Variants in FBXL20 observed in about 807,000 individuals in gnomAD.
FBXL20 encodes the protein F-box/LRR-repeat protein 20.
In FBXL20, 11 loss-of-function variants were observed where a neutral mutation model predicts 64.0. The observed-to-expected ratio is 0.17, with a 90% confidence interval of 0.11 to 0.28. The LOEUF is 0.28. FBXL20 is among the 10% of genes least tolerant of loss of function. FBXL20 has a pLI of 1.00. For missense variants in FBXL20, 303 were observed against 526.2 expected, an observed-to-expected ratio of 0.58 and a Z score of 4.15; for synonymous variants, 184 against 189.0, an observed-to-expected ratio of 0.97 and a Z score of 0.22.
intron 1 of FBXL20, among the ~76,000 whole-genome samples, chr17:39,355,919 T>C (rs1434399428): frequency 6.8e-6 from 1 of 147,988 alleles, no homozygotes; most frequent in Non-Finnish European, 1.5e-5. Flanking sequence ...TTTTCTCCTA[T>C]GTTTTAAAAG....
In FBXL20 at chr17:39,258,550, C is replaced by A. The variant is rs1427982028; in HGVS notation, c.*2910G>T. 6.6e-6 allele frequency: 1 copy of A among 152,234 alleles called. No individual in the cohort carries two copies. The highest frequency in any genetic ancestry group is 2.4e-5 in the African/African-American group (1 of 41,462). The allele number at this position is 152,234 out of a possible 1,614,324, so 9.4% of individuals were successfully genotyped here. A position where few individuals can be genotyped will look rare whatever the true frequency, so the allele number is the denominator to read the frequency against. On this transcript the variant is annotated 3_prime_UTR_variant, in exon 15 of 15. Transcript: ENST00000264658. Reference sequence around the variant, plus strand: ...GCCTTAATAGCAGAGATCACCAGAGCAAGTCCCCATGGACCTGCCTGTGGG... The same window carrying A: ...GCCTTAATAGCAGAGATCACCAGAGAAAGTCCCCATGGACCTGCCTGTGGG...
At chr17:39,346,689 C>T (rs889279702) in intron 1 of FBXL20, among the ~76,000 whole-genome samples, 23 of 151,212 alleles carry the variant, frequency 1.5e-4, no homozygotes, top group African/African-American at 4.7e-4. Context: ...TAATGACTGA[C>T]AATTACTTTT....
intron 1 of FBXL20, among the ~76,000 whole-genome samples, chr17:39,352,643 T>G (rs56102014): frequency 0.055 from 7,918 of 145,064 alleles, 233 homozygotes; most frequent in Non-Finnish European, 0.078. Context: ...ATCAGGCTAC[T>G]GCACTCCAGC....
At chr17:39,302,950 C>T (rs980259295) in intron 3 of FBXL20, among the ~76,000 whole-genome samples, 2 of 151,156 alleles carry the variant, frequency 1.3e-5, no homozygotes, top group Non-Finnish European at 2.9e-5. Context: ...CTCGCTCTGT[C>T]GCCCAGGGTA....
intron 12 of FBXL20, among the ~76,000 whole-genome samples, chr17:39,267,659 G>GATAA (rs2046804233): frequency 6.6e-6 from 1 of 152,180 alleles, no homozygotes; most frequent in African/African-American, 2.4e-5. Flanking sequence ...AGTTTTCATG[G>GATAA]TTATGTTAGG....
Position 39,355,065 on chromosome 17 carries a change from G to T in FBXL20, c.43-11824C>A, listed in dbSNP as rs140363221. ...TCCTGCCTCAGCCTCCCAAGTAGCT[G>T]GGATTATAGGCATGCGCCACCATGC... On this transcript the variant is annotated intron_variant, in intron 1 of 14. Coordinates refer to ENST00000264658, the MANE Select transcript of FBXL20 (RefSeq NM_032875.3). 4.8e-4 allele frequency among the ~76,000 whole-genome samples: 73 copies of T among 152,294 alleles called. No individual in the cohort carries two copies. In the East Asian group the frequency reaches 0.013, roughly 27 times the overall value.
At chr17:39,270,717 T>C in intron 11 of FBXL20, 79 bp downstream of exon 11, 1 of 1,237,968 alleles carries the variant, frequency 8.1e-7, no homozygotes, top group Non-Finnish European at 1.1e-6. Flanking sequence ...ACATTTCCCT[T>C]GCTGCTTGTT....
intron 9 of FBXL20, among the ~76,000 whole-genome samples, chr17:39,280,008 C>T (rs982165774): frequency 2.0e-5 from 3 of 151,900 alleles, no homozygotes; most frequent in African/African-American, 7.3e-5. Context: ...TGGCAAAAAC[C>T]CATCTCTACT....
intron 13 of FBXL20, 40 bp downstream of exon 13, chr17:39,265,357 A>C: frequency 1.3e-6 from 2 of 1,510,362 alleles, no homozygotes; most frequent in Non-Finnish European, 1.8e-6. Flanking sequence ...GCTTTTGATT[A>C]AACCCAGTAA....
At chr17:39,343,704 T>A (rs937223377) in intron 1 of FBXL20, among the ~76,000 whole-genome samples, 3 of 151,472 alleles carry the variant, frequency 2.0e-5, no homozygotes, top group Non-Finnish European at 4.4e-5. Flanking sequence ...TCTTTTTTTT[T>A]TTTTTTTTTG....
intron 1 of FBXL20, 46 bp downstream of exon 1, chr17:39,401,315 G>C (rs749800214): frequency 1.2e-6 from 2 of 1,612,072 alleles, no homozygotes; most frequent in South Asian, 2.2e-5. Context: ...GGATTAGAGC[G>C]CGCGACCCGC....
rs565442517 is a variant in FBXL20 at position 39,256,296 on chromosome 17, G to A, written c.*5164C>T. On this transcript the variant is annotated 3_prime_UTR_variant, in exon 15 of 15. Coordinates refer to ENST00000264658, the MANE Select transcript of FBXL20 (RefSeq NM_032875.3). ...AGATTGTGCCATGGCACTCCAACCT[G>A]GGTGACAGAGCGAGACTCCATGTCA... is the stretch of plus-strand genomic sequence containing the variant. The A allele has an allele frequency of 6.9e-6, 1 of 145,740 alleles. No individual in the cohort carries two copies. Among genetic ancestry groups the A allele is most frequent in the Admixed American group, 7.0e-5 (1 of 14,286 alleles). 9.0% of individuals were successfully genotyped at this position (145,740 alleles called of 1,614,324 possible). A position where few individuals can be genotyped will look rare whatever the true frequency, so the allele number is the denominator to read the frequency against.
intron 1 of FBXL20, among the ~76,000 whole-genome samples, chr17:39,372,489 A>G (rs901722053): frequency 2.4e-5 from 3 of 126,956 alleles, no homozygotes; most frequent in Non-Finnish European, 4.8e-5. Flanking sequence ...ACTGCACTCC[A>G]GCCTGGCAAC....
intron 2 of FBXL20, among the ~76,000 whole-genome samples, chr17:39,332,899 A>C (rs558729547): frequency 5.9e-5 from 9 of 152,120 alleles, no homozygotes; most frequent in Admixed American, 2.0e-4. Flanking sequence ...AGTCCTGTGG[A>C]TCCTCCTGCA....
chr17:39,341,666 G>A (rs2047584342), intron 2 of FBXL20, among the ~76,000 whole-genome samples: 1 of 152,060 alleles, frequency 6.6e-6, no homozygotes, highest in Non-Finnish European at 1.5e-5. Flanking sequence ...CATGTGACTC[G>A]CTTCAGGCAA....
At chr17:39,400,082 A>G (rs1456529415) in intron 1 of FBXL20, among the ~76,000 whole-genome samples, 1 of 152,168 alleles carries the variant, frequency 6.6e-6, no homozygotes, top group Non-Finnish European at 1.5e-5. Flanking sequence ...ATGTCCTATT[A>G]AACACCAAAT....
rs35268938 is a variant in FBXL20, at chr17:39,370,711, C to T, written c.43-27470G>A. Among the ~76,000 whole-genome samples, 854 of 149,506 alleles carry T rather than the reference C, an allele frequency of 5.7e-3. 4 individuals are homozygous for T. The highest frequency in any genetic ancestry group is 0.014 in the Middle Eastern group (4 of 286). On this transcript the variant is annotated intron_variant, in intron 1 of 14. Coordinates refer to ENST00000264658, the MANE Select transcript of FBXL20 (RefSeq NM_032875.3). Reference sequence around the variant, plus strand: ...TCGGGAGGCTGAGGCAGGAGAATGGCGTGAACCTGGGAGGCGGAGCTTGCA... The same window carrying T: ...TCGGGAGGCTGAGGCAGGAGAATGGTGTGAACCTGGGAGGCGGAGCTTGCA...
intron 2 of FBXL20, among the ~76,000 whole-genome samples, chr17:39,336,808 T>A (rs932656130): frequency 6.7e-6 from 1 of 148,884 alleles, no homozygotes; most frequent in African/African-American, 2.5e-5. Flanking sequence ...TGGGCGACAG[T>A]GTGAGACACC....
At chr17:39,347,715 T>C (rs184820663) in intron 1 of FBXL20, among the ~76,000 whole-genome samples, 66 of 152,336 alleles carry the variant, frequency 4.3e-4, no homozygotes, top group Admixed American at 7.8e-4. Context: ...TTGGTCAATT[T>C]TGGCTTTTGT....
Sources: gnomAD v4.1 joint callset for allele counts (sites outside exome capture counted in the v4.1 genomes callset) on GRCh38, gnomAD v4.1.1 for gene constraint, MANE v1.5 for transcripts, NCBI Gene and HGNC (gene_info 2026-07-23, HGNC 2026-07-21) for gene names.